The following SMIM38 variants were observed in gnomAD, a reference collection of about 807,000 sequenced individuals.
The protein encoded by SMIM38 is small integral membrane protein 38.
At chr11:69,155,573 A>C (rs185037814), upstream of SMIM38, 1 of 152,012 alleles carries the variant, frequency 6.6e-6, no homozygotes, top group Non-Finnish European at 1.5e-5. Context: ...CTTGGTCCCC[A>C]CCTGTCCAGG....
rs1857011853 is a variant in SMIM38 at position 69,158,013 on chromosome 11, G to T, written c.*11G>T. On this transcript the variant is annotated 3_prime_UTR_variant, in exon 2 of 3. Transcript: ENST00000686237. ...CCCAAGCAGGACTAAGCCTCTGCAG[G>T]CTGCGGCCTCCACGCGCCCTGTCCC... 5 of 398,866 alleles carry T rather than the reference G, an allele frequency of 1.3e-5. No individual in the cohort carries two copies. The highest frequency in any genetic ancestry group is 1.8e-5 in the Non-Finnish European group (4 of 226,280). 24.7% of individuals were successfully genotyped at this position (398,866 alleles called of 1,614,324 possible).
In SMIM38 at chr11:69,161,146, G is replaced by A. The variant is rs943788624; in HGVS notation, c.*3050G>A. On this transcript the variant is annotated 3_prime_UTR_variant, in exon 3 of 3. Transcript: ENST00000686237. ...GTTCCAGGCAGGAAGAGAAAGGAAA[G>A]GGTGACAGAGACAGAAAGCAATGTC... 2.6e-5 allele frequency: 4 copies of A among 152,206 alleles called. No individual in the cohort carries two copies. The highest frequency in any genetic ancestry group is 9.7e-5 in the African/African-American group (4 of 41,430). The allele number at this position is 152,206 out of a possible 1,614,324, so 9.4% of individuals were successfully genotyped here. A position where few individuals can be genotyped will look rare whatever the true frequency, so the allele number is the denominator to read the frequency against.
In SMIM38 at chr11:69,161,261, T is replaced by TG. The variant is rs1485124798; in HGVS notation, c.*3166dup. 6.6e-6 allele frequency: 1 copy of TG among 152,252 alleles called. No homozygotes were observed. The highest frequency in any genetic ancestry group is 1.5e-5 in the Non-Finnish European group (1 of 68,044). The allele number at this position is 152,252 out of a possible 1,614,324, so 9.4% of individuals were successfully genotyped here. On this transcript the variant is annotated 3_prime_UTR_variant, in exon 3 of 3. Transcript: ENST00000686237. ...CAGGAGGCTGAGAGATAGTGGCGTT[T>TG]GTTAGCTGGTCTCCTAGCCATCCTG... is the stretch of plus-strand genomic sequence containing the variant.
chr11:69,157,770 G>T lies in SMIM38; in HGVS notation c.-77G>T. 2.5e-6 allele frequency: 1 copy of T among 398,368 alleles called. No homozygotes were observed. The highest frequency in any genetic ancestry group is 4.4e-6 in the Non-Finnish European group (1 of 226,050). The allele number at this position is 398,368 out of a possible 1,614,324, so 24.7% of individuals were successfully genotyped here. On this transcript the variant is annotated 5_prime_UTR_variant, in exon 2 of 3. Coordinates refer to ENST00000686237, the MANE Select transcript of SMIM38 (RefSeq NM_001369201.2). ...GCACAGCAGCCACTTGGCAGTGCCG[G>T]GCTAGGGTGGCAGGGCCCCACTGCA...
At chr11:69,156,731 C>T (rs552409051) in intron 1 of SMIM38, among the ~76,000 whole-genome samples, 2 of 152,286 alleles carry the variant, frequency 1.3e-5, no homozygotes, top group South Asian at 2.1e-4. Context: ...AGGCGCTGGG[C>T]GTGGCCCCTG....
rs1474313890 is a variant in SMIM38, at chr11:69,160,814, C to T, written c.*2718C>T. ...GCCTGGCTCAGAACAGGCAATCAGG[C>T]CATGGCATCTGAATGAATGAGAGGG... On this transcript the variant is annotated 3_prime_UTR_variant, in exon 3 of 3. Coordinates refer to ENST00000686237, the MANE Select transcript of SMIM38 (RefSeq NM_001369201.2). 1 of 152,226 alleles carries T rather than the reference C, an allele frequency of 6.6e-6. No individual in the cohort carries two copies. The allele number at this position is 152,226 out of a possible 1,614,324, so 9.4% of individuals were successfully genotyped here. A position where few individuals can be genotyped will look rare whatever the true frequency, so the allele number is the denominator to read the frequency against.
Position 69,160,660 on chromosome 11 carries a change from T to G in SMIM38, c.*2564T>G, listed in dbSNP as rs1857045320. 6.6e-6 allele frequency: 1 copy of G among 152,254 alleles called. No individual in the cohort carries two copies. The allele number at this position is 152,254 out of a possible 1,614,324, so 9.4% of individuals were successfully genotyped here. ...CTCCGACTCCCTATCTCAGTTACAC[T>G]GGTCCATAATTTCTTTTCTTTTTCT... On this transcript the variant is annotated 3_prime_UTR_variant, in exon 3 of 3. Transcript: ENST00000686237.
chr11:69,157,976 C>T lies in SMIM38; in HGVS notation c.130C>T (p.Arg44Trp), dbSNP rs886370896. Residue 44 changes from arginine (R) to tryptophan (W), a missense_variant, in exon 2 of 3, where the codon CGG (arginine) becomes TGG (tryptophan). Transcript: ENST00000686237. ...TYIDYRLAQR[R>W]PQKPKQD ...CATCGACTACAGACTGGCCCAGCGG[C>T]GGCCCCAGAAACCCAAGCAGGACTA... 4.0e-5 allele frequency: 16 copies of T among 398,738 alleles called. No individual in the cohort carries two copies. Among genetic ancestry groups the T allele is most frequent in the East Asian group, 1.1e-4 (3 of 28,082 alleles). The allele number at this position is 398,738 out of a possible 1,614,324, so 24.7% of individuals were successfully genotyped here.
chr11:69,156,505 G>A (rs1190952002), intron 1 of SMIM38, among the ~76,000 whole-genome samples: 1 of 152,208 alleles, frequency 6.6e-6, no homozygotes, highest in Non-Finnish European at 1.5e-5. Flanking sequence ...CTGGACTTGG[G>A]GGGCAGAGCC....
chr11:69,155,861 T>G (rs1856979524), upstream of SMIM38: 1 of 152,254 alleles, frequency 6.6e-6, no homozygotes, highest in African/African-American at 2.4e-5. Context: ...ACTTACTCTA[T>G]GACGGGGTCC....
In SMIM38 at chr11:69,158,091, C is replaced by T. The variant is rs754587773; in HGVS notation, c.*89C>T. The T allele has an allele frequency of 8.8e-5, 35 of 398,130 alleles. No homozygotes were observed. Among genetic ancestry groups the T allele is most frequent in the Admixed American group, 4.0e-4 (9 of 22,720 alleles). 24.7% of individuals were successfully genotyped at this position (398,130 alleles called of 1,614,324 possible). On this transcript the variant is annotated 3_prime_UTR_variant, in exon 2 of 3. Transcript: ENST00000686237. ...GTGGGAGGGAGGGGAGCAGGGCAGGCGCATGATCCCCATGTCCCACCCCTG... is the reference window on the plus strand; with the variant it reads ...GTGGGAGGGAGGGGAGCAGGGCAGGTGCATGATCCCCATGTCCCACCCCTG...
At position 69,158,524 on chromosome 11, in the gene SMIM38, G is replaced by C. The variant is rs539167318; in HGVS notation, c.*522G>C. 1.3e-5 allele frequency: 2 copies of C among 152,462 alleles called. No homozygotes were observed. The highest frequency in any genetic ancestry group is 3.9e-4 in the East Asian group (2 of 5,194). The allele number at this position is 152,462 out of a possible 1,614,324, so 9.4% of individuals were successfully genotyped here. On this transcript the variant is annotated 3_prime_UTR_variant, in exon 2 of 3. Coordinates refer to ENST00000686237, the MANE Select transcript of SMIM38 (RefSeq NM_001369201.2). Reference sequence around the variant, plus strand: ...TGATTTCTCCAGAGCAGACCCCTGGGAAGGGTCTCAGGACGCACTTGTGAG... The same window carrying C: ...TGATTTCTCCAGAGCAGACCCCTGGCAAGGGTCTCAGGACGCACTTGTGAG...
intron 1 of SMIM38, among the ~76,000 whole-genome samples, chr11:69,156,743 G>C (rs1042267768): frequency 2.0e-5 from 3 of 152,230 alleles, no homozygotes; most frequent in African/African-American, 7.2e-5. Flanking sequence ...TGGCCCCTGA[G>C]AAGTGCTCTC....
In SMIM38 at chr11:69,157,905, T is replaced by G. The variant is rs1241136630; in HGVS notation, c.59T>G (p.Val20Gly). 2.5e-6 allele frequency: 1 copy of G among 399,252 alleles called. No individual in the cohort carries two copies. The highest frequency in any genetic ancestry group is 4.4e-5 in the Admixed American group (1 of 22,724). 24.7% of individuals were successfully genotyped at this position (399,252 alleles called of 1,614,324 possible). The change falls in exon 2 of 3, where the codon GTG becomes GGG. Residue 20 changes from valine (V) to glycine (G), a missense_variant. Val to Gly is a moderately radical substitution (Grantham distance 109). Transcript: ENST00000686237. ...GACCCGCTCCTGGCCCTGCTGGTGG[T>G]GATCCTGCTAGCACGCCTCATCCTG... ...GPDPLLALLV[V>G]ILLARLILWS...
Position 69,157,626 on chromosome 11 carries a change from G to A in SMIM38, c.-221G>A, listed in dbSNP as rs1464461902. On this transcript the variant is annotated 5_prime_UTR_variant, in exon 2 of 3. Transcript: ENST00000686237. ...TCCTCTCACATGCCAGGGAGGCCCC[G>A]GGCTGGAGTCTGGCGGGCAGATCTG... 6 of 390,790 alleles carry A rather than the reference G, an allele frequency of 1.5e-5. No individual in the cohort carries two copies. The highest frequency in any genetic ancestry group is 2.3e-5 in the Non-Finnish European group (5 of 221,634). The allele number at this position is 390,790 out of a possible 1,614,324, so 24.2% of individuals were successfully genotyped here.
chr11:69,157,954 C>T lies in SMIM38; in HGVS notation c.108C>T (p.Ile36=), dbSNP rs911196863. 2.3e-5 allele frequency: 9 copies of T among 398,920 alleles called. No homozygotes were observed. The highest frequency in any genetic ancestry group is 4.0e-5 in the Non-Finnish European group (9 of 226,422). The allele number at this position is 398,920 out of a possible 1,614,324, so 24.7% of individuals were successfully genotyped here. ...TGTGGTCCTGCCTCGGGACCTACAT[C>T]GACTACAGACTGGCCCAGCGGCGGC... ...LILWSCLGTY[I]DYRLAQRRPQ... is the part of the protein sequence containing the mutation. Residue 36 remains isoleucine (I), a synonymous_variant, in exon 2 of 3, where the codon ATC becomes ATT. Transcript: ENST00000686237.
rs957473238 is a variant in SMIM38, at chr11:69,160,629, A to G, written c.*2533A>G. On this transcript the variant is annotated 3_prime_UTR_variant, in exon 3 of 3. Transcript: ENST00000686237. Reference sequence around the variant, plus strand: ...AAATGGTGGAAGGGAAGATTCTGCCAACCTCCTCCGACTCCCTATCTCAGT... The same window carrying G: ...AAATGGTGGAAGGGAAGATTCTGCCGACCTCCTCCGACTCCCTATCTCAGT... 1.3e-5 allele frequency: 2 copies of G among 152,262 alleles called. No homozygotes were observed. The highest frequency in any genetic ancestry group is 2.4e-5 in the African/African-American group (1 of 41,462). The allele number at this position is 152,262 out of a possible 1,614,324, so 9.4% of individuals were successfully genotyped here. A position where few individuals can be genotyped will look rare whatever the true frequency, so the allele number is the denominator to read the frequency against.
In SMIM38 at chr11:69,157,491, C is replaced by G; in HGVS notation, c.-356C>G. ...GGGCGGGCTCCCGGCGGCCTCCCGC[C>G]CCCCAGGCCCCTGGACAATGCTGTC... On this transcript the variant is annotated 5_prime_UTR_variant, in exon 2 of 3. Coordinates refer to ENST00000686237, the MANE Select transcript of SMIM38 (RefSeq NM_001369201.2). 5.4e-6 allele frequency: 1 copy of G among 183,716 alleles called. No homozygotes were observed. The highest frequency in any genetic ancestry group is 1.1e-5 in the Non-Finnish European group (1 of 89,484). The allele number at this position is 183,716 out of a possible 1,614,324, so 11.4% of individuals were successfully genotyped here.
At position 69,159,928 on chromosome 11, in the gene SMIM38, C is replaced by T. The variant is rs1857036090; in HGVS notation, c.*1832C>T. On this transcript the variant is annotated 3_prime_UTR_variant, in exon 3 of 3. Coordinates refer to ENST00000686237, the MANE Select transcript of SMIM38 (RefSeq NM_001369201.2). ...GACAGAGCTAGGAGGGCCAGCTGTT[C>T]CGGGTTGCCCAGGGCTGTCTTGTTT... The T allele has an allele frequency of 6.6e-6, 1 of 152,184 alleles. No homozygotes were observed. The highest frequency in any genetic ancestry group is 2.1e-4 in the South Asian group (1 of 4,824). The allele number at this position is 152,184 out of a possible 1,614,324, so 9.4% of individuals were successfully genotyped here.
Sources: gnomAD v4.1 joint callset for allele counts (sites outside exome capture counted in the v4.1 genomes callset) on GRCh38, gnomAD v4.1.1 for gene constraint, MANE v1.5 for transcripts, NCBI Gene and HGNC (gene_info 2026-07-23, HGNC 2026-07-21) for gene names.